Variants in ZNF345 observed in about 807,000 individuals in gnomAD.
The protein encoded by ZNF345 is zinc finger protein 345.
For synonymous variants in ZNF345, 166 were observed against 187.9 expected (o/e 0.88, Z 0.95); for missense variants, 527 against 589.9 (o/e 0.89, Z 1.10).
chr19:36,888,317 A>G (rs1297118919), intron 3 of ZNF345: 1 of 151,218 alleles, frequency 6.6e-6, no homozygotes, highest in Non-Finnish European at 1.5e-5. Context: ...CTCCCAACAC[A>G]TACAGTGTTA....
intron 2 of ZNF345, among the ~76,000 whole-genome samples, chr19:36,874,124 A>G (rs1228370092): frequency 1.1e-4 from 17 of 152,218 alleles, no homozygotes; most frequent in Admixed American, 1.1e-3. Context: ...AAAAAGTGTA[A>G]CTATGTGTGG....
chr19:36,858,549 C>G (rs995150916), intron 2 of ZNF345, among the ~76,000 whole-genome samples: 2 of 152,128 alleles, frequency 1.3e-5, no homozygotes, highest in African/African-American at 4.8e-5. Context: ...GGCGGATCAC[C>G]TGAGGTCGGG....
At position 36,877,044 on chromosome 19, in the gene ZNF345, A is replaced by G. The variant is rs1164780900; in HGVS notation, c.214A>G (p.Ser72Gly). The change falls in exon 3 of 3, where the codon AGT becomes GGT. Residue 72 changes from serine to glycine, a missense_variant. Ser to Gly is a moderately conservative substitution (Grantham distance 56, BLOSUM62 0). Transcript: ENST00000420450. ...ATGTAAGGAATGTGGGAAGGATTTTAGTTTTGTATCAGTCCTTGTTCGACA... is the reference window on the plus strand; with the variant it reads ...ATGTAAGGAATGTGGGAAGGATTTTGGTTTTGTATCAGTCCTTGTTCGACA... ...LECKECGKDF[S>G]FVSVLVRHQR... 1.2e-6 allele frequency: 2 copies of G among 1,614,108 alleles called. No individual in the cohort carries two copies. The highest frequency in any genetic ancestry group is 1.7e-6 in the Non-Finnish European group (2 of 1,179,982).
At chr19:36,852,367 C>A (rs866936286) in intron 2 of ZNF345, among the ~76,000 whole-genome samples, 4 of 151,972 alleles carry the variant, frequency 2.6e-5, no homozygotes, top group African/African-American at 9.7e-5. Flanking sequence ...AATCCCAGCA[C>A]TTTGGGGGGC....
intron 2 of ZNF345, among the ~76,000 whole-genome samples, chr19:36,865,805 G>A (rs896973915): frequency 1.3e-5 from 2 of 152,072 alleles, no homozygotes; most frequent in African/African-American, 4.8e-5. Context: ...CCTGGTTTTT[G>A]TAGGTGCTGT....
intron 3 of ZNF345, among the ~76,000 whole-genome samples, chr19:36,887,199 A>C (rs576763): frequency 0.11 from 16,404 of 150,800 alleles, 957 homozygotes; most frequent in Middle Eastern, 0.14. Flanking sequence ...ACCACCACCA[A>C]CAACAACAAA....
intron 2 of ZNF345, among the ~76,000 whole-genome samples, chr19:36,855,904 AT>A (rs1435772678): frequency 6.6e-6 from 1 of 152,174 alleles, no homozygotes; most frequent in Admixed American, 6.5e-5. Flanking sequence ...ATCTCAGATT[AT>A]TTTACCCACA....
intron 2 of ZNF345, among the ~76,000 whole-genome samples, chr19:36,864,395 T>G (rs2072616403): frequency 6.6e-6 from 1 of 151,952 alleles, no homozygotes; most frequent in Non-Finnish European, 1.5e-5. Flanking sequence ...TGTGCCTGTA[T>G]TCCTAGCTAC....
exon 4 of ZNF345, chr19:36,893,018 A>C (rs906381953): frequency 2.5e-6 from 1 of 405,092 alleles, no homozygotes; most frequent in Non-Finnish European, 4.3e-6. Context: ...ACGTTCATAA[A>C]CATATGCTCA....
intron 3 of ZNF345, among the ~76,000 whole-genome samples, chr19:36,887,195 AC>A (rs200255956): frequency 0.034 from 5,213 of 151,130 alleles, 312 homozygotes; most frequent in African/African-American, 0.12. Flanking sequence ...CACCACCACC[AC>A]CAACAACAAC....
At chr19:36,856,029 A>G (rs1489568976) in intron 2 of ZNF345, among the ~76,000 whole-genome samples, 1 of 152,240 alleles carries the variant, frequency 6.6e-6, no homozygotes, top group Non-Finnish European at 1.5e-5. Context: ...AGAAGAGATA[A>G]TAATTTTCTG....
At chr19:36,862,382 G>C (rs62115568) in intron 2 of ZNF345, among the ~76,000 whole-genome samples, 22,784 of 151,888 alleles carry the variant, frequency 0.15, 2,178 homozygotes, top group Non-Finnish European at 0.22. Flanking sequence ...GTTAAAACTA[G>C]CTGGGTGTGG....
intron 2 of ZNF345, among the ~76,000 whole-genome samples, chr19:36,855,447 CTTTT>C (rs34265794): frequency 6.8e-5 from 4 of 58,586 alleles, no homozygotes; most frequent in South Asian, 2.1e-3. Flanking sequence ...CGAGCCTGGC[CTTTT>C]TTTTTTTTTT....
intron 2 of ZNF345, among the ~76,000 whole-genome samples, chr19:36,866,577 T>C (rs2072664613): frequency 6.6e-6 from 1 of 152,186 alleles, no homozygotes; most frequent in Non-Finnish European, 1.5e-5. Context: ...TTTGAGACAG[T>C]CTCACTCTGT....
chr19:36,883,312 G>A (rs2072979273), downstream of ZNF345, among the ~76,000 whole-genome samples: 1 of 152,220 alleles, frequency 6.6e-6, no homozygotes, highest in Middle Eastern at 3.4e-3. Flanking sequence ...TACTCGTCAT[G>A]GTCATTTAAT....
intron 3 of ZNF345, among the ~76,000 whole-genome samples, chr19:36,886,516 T>C (rs1223700228): frequency 2.0e-5 from 3 of 152,184 alleles, no homozygotes; most frequent in East Asian, 3.9e-4. Flanking sequence ...CATTCTACGC[T>C]ATACTGACCT....
At chr19:36,888,246 CAA>C (rs1255381849) in intron 3 of ZNF345, 1 of 152,042 alleles carries the variant, frequency 6.6e-6, no homozygotes, top group Non-Finnish European at 1.5e-5. Flanking sequence ...CTTGTTTGAT[CAA>C]AAGTTTGATA....
intron 2 of ZNF345, among the ~76,000 whole-genome samples, chr19:36,855,373 A>C (rs1316069689): frequency 7.0e-6 from 1 of 142,286 alleles, no homozygotes; most frequent in Admixed American, 7.1e-5. Context: ...TGGTCTTGAT[A>C]ACCTGACCTC....
At chr19:36,868,936 G>C (rs1600706567) in intron 2 of ZNF345, among the ~76,000 whole-genome samples, 1 of 152,098 alleles carries the variant, frequency 6.6e-6, no homozygotes. Flanking sequence ...GGCCACTGAA[G>C]TGTTAATAGA....
Sources: allele counts gnomAD v4.1 joint callset (sites outside exome capture counted in the v4.1 genomes callset), GRCh38; gene constraint gnomAD v4.1.1; transcripts MANE v1.5; gene names NCBI Gene and HGNC (gene_info 2026-07-23, HGNC 2026-07-21).